Variants in XRCC4 observed in about 807,000 individuals in gnomAD.
The protein encoded by XRCC4 is X-ray repair cross complementing 4.
A neutral mutation model predicts 39.1 loss-of-function variants in XRCC4; 28 were observed. That is an observed-to-expected ratio of 0.72 (90% CI 0.53 to 0.98). XRCC4 has a LOEUF of 0.98. Among genes scored for constraint, XRCC4 ranks in the 50% least tolerant of loss-of-function variants. XRCC4 has a pLI of 0.00. For synonymous variants in XRCC4, 123 were observed against 126.4 expected, an observed-to-expected ratio of 0.97 and a Z score of 0.18; for missense variants, 350 against 376.4, an observed-to-expected ratio of 0.93 and a Z score of 0.58.
At chr5:83,158,097 A>AT (rs1384743087) in intron 3 of XRCC4, among the ~76,000 whole-genome samples, 1 of 152,012 alleles carries the variant, frequency 6.6e-6, no homozygotes, top group Non-Finnish European at 1.5e-5. Context: ...CTTATATGAG[A>AT]TTTTATCTCT....
At chr5:83,183,084 G>A (rs1750271955) in intron 3 of XRCC4, among the ~76,000 whole-genome samples, 1 of 152,022 alleles carries the variant, frequency 6.6e-6, no homozygotes, top group Non-Finnish European at 1.5e-5. Flanking sequence ...TTAATTCATT[G>A]ACTTCTGGTA....
intron 3 of XRCC4, among the ~76,000 whole-genome samples, chr5:83,191,230 G>A (rs1035967711): frequency 2.0e-5 from 3 of 152,154 alleles, no homozygotes; most frequent in Non-Finnish European, 2.9e-5. Context: ...AGACTAGAGA[G>A]GCCAATGTAG....
At chr5:83,093,108 G>C (rs1043715646) in intron 1 of XRCC4, among the ~76,000 whole-genome samples, 1 of 151,922 alleles carries the variant, frequency 6.6e-6, no homozygotes, top group Admixed American at 6.6e-5. Flanking sequence ...TAGACTGAAA[G>C]TGAAGAAATG....
intron 7 of XRCC4, among the ~76,000 whole-genome samples, chr5:83,322,241 C>T (rs1756099825): frequency 1.3e-5 from 2 of 151,836 alleles, no homozygotes; most frequent in Non-Finnish European, 2.9e-5. Flanking sequence ...CTATGTATGC[C>T]ATTAAAAACA....
chr5:83,164,629 T>A (rs996019427), intron 3 of XRCC4, among the ~76,000 whole-genome samples: 1 of 152,148 alleles, frequency 6.6e-6, no homozygotes, highest in Non-Finnish European at 1.5e-5. Flanking sequence ...GTTAGTAGCT[T>A]GATTGTGGTA....
intron 3 of XRCC4, 133 bp from the exon 4 acceptor site, chr5:83,195,637 A>G (rs910908414): frequency 1.2e-5 from 10 of 843,972 alleles, no homozygotes; most frequent in Non-Finnish European, 1.7e-5. Flanking sequence ...CACTGTTTGT[A>G]TATCTTGTAA....
intron 3 of XRCC4, among the ~76,000 whole-genome samples, chr5:83,141,943 C>T (rs1748199599): frequency 6.6e-6 from 1 of 152,066 alleles, no homozygotes; most frequent in South Asian, 2.1e-4. Context: ...TTGTTATTCT[C>T]TCTATATCTT....
At chr5:83,214,992 A>C (rs1394996730) in intron 6 of XRCC4, among the ~76,000 whole-genome samples, 1 of 152,158 alleles carries the variant, frequency 6.6e-6, no homozygotes, top group Non-Finnish European at 1.5e-5. Context: ...GAGAGAAATT[A>C]AAGAAGACTT....
rs79185703 is a variant in XRCC4 at position 83,199,917 on chromosome 5, C to T, written c.483-3635C>T. On this transcript the variant is annotated intron_variant, in intron 4 of 7. Transcript: ENST00000396027. ...TCTTGTTTGATGTTATTTGTGATTT[C>T]GTCCCAATTTGAGATTTGCCTGGAT... Among the ~76,000 whole-genome samples the T allele has an allele frequency of 2.6e-4, 39 of 152,070 alleles. No homozygotes were observed. In the East Asian group the frequency reaches 7.0e-3, roughly 27 times the overall value.
chr5:83,121,624 G>C (rs146344891), intron 3 of XRCC4, among the ~76,000 whole-genome samples: 2 of 152,114 alleles, frequency 1.3e-5, no homozygotes, highest in East Asian at 3.9e-4. Flanking sequence ...ACTGAGTTTT[G>C]AAGAACTCTT....
chr5:83,121,117 A>G lies in XRCC4; in HGVS notation c.315+9914A>G, dbSNP rs1196083198. Among the ~76,000 whole-genome samples, 6 of 152,144 alleles carry G rather than the reference A, an allele frequency of 3.9e-5. No individual in the cohort carries two copies. The East Asian group carries it at 1.2e-3, about 29-fold the overall frequency. On this transcript the variant is annotated intron_variant, in intron 3 of 7. Coordinates refer to ENST00000396027, the MANE Select transcript of XRCC4 (RefSeq NM_003401.5). ...TTCCTCCATGTTGTTGTAAGTTTTAATAATTTATTCTTTTTTTCCTGCTGA... is the reference window on the plus strand; with the variant it reads ...TTCCTCCATGTTGTTGTAAGTTTTAGTAATTTATTCTTTTTTTCCTGCTGA...
chr5:83,356,807 A>G, downstream of XRCC4: 1 of 444,654 alleles, frequency 2.2e-6, no homozygotes, highest in Non-Finnish European at 4.5e-6. Flanking sequence ...TTTTGACCTT[A>G]TCATCCTCAC....
At position 83,183,301 on chromosome 5, in the gene XRCC4, A is replaced by AT. The variant is rs1435454160; in HGVS notation, c.316-12462dup. Among the ~76,000 whole-genome samples the AT allele has an allele frequency of 1.1e-4, 16 of 151,338 alleles. No homozygotes were observed. The South Asian group carries it at 3.3e-3, about 32-fold the overall frequency. On this transcript the variant is annotated intron_variant, in intron 3 of 7. Coordinates refer to ENST00000396027, the MANE Select transcript of XRCC4 (RefSeq NM_003401.5). ...TGTCTACACATTTTTTAATTTATACATTTTTTTCTTTTATGTCTTTTAAAA... is the reference window on the plus strand; with the variant it reads ...TGTCTACACATTTTTTAATTTATACATTTTTTTTCTTTTATGTCTTTTAAAA...
intron 7 of XRCC4, among the ~76,000 whole-genome samples, chr5:83,294,141 T>C (rs1019096813): frequency 6.6e-6 from 1 of 152,056 alleles, no homozygotes; most frequent in East Asian, 1.9e-4. Context: ...AAAATGACCA[T>C]GACTAATTTT....
At chr5:83,287,963 C>CCA (rs893698196) in intron 7 of XRCC4, among the ~76,000 whole-genome samples, 12 of 151,652 alleles carry the variant, frequency 7.9e-5, no homozygotes, top group African/African-American at 2.7e-4. Context: ...TCGTTGCATC[C>CCA]CACACACACA....
In XRCC4 at chr5:83,195,924, A is replaced by C. The variant is rs1201811742; in HGVS notation, c.470A>C (p.Asp157Ala). 4 of 1,609,236 alleles carry C rather than the reference A, an allele frequency of 2.5e-6. No individual in the cohort carries two copies. The South Asian group carries it at 3.3e-5, about 13-fold the overall frequency. ...ENERLLRDWN[D>A]VQGRFEKCVS... ...GAAAGGCTTCTGAGAGATTGGAATG[A>C]TGTTCAAGGACGGTGTGTACACAGT... The change falls in exon 4 of 8, where the codon GAT (aspartate) becomes GCT (alanine). Residue 157 changes from aspartate to alanine, a missense_variant. Transcript: ENST00000396027.
At chr5:83,086,390 G>T (rs1745182559) in intron 1 of XRCC4, among the ~76,000 whole-genome samples, 1 of 152,160 alleles carries the variant, frequency 6.6e-6, no homozygotes, top group Admixed American at 6.5e-5. Context: ...TATGTTTTGT[G>T]TGTTATATGC....
At chr5:83,188,645 C>T (rs1299933143) in intron 3 of XRCC4, among the ~76,000 whole-genome samples, 2 of 152,052 alleles carry the variant, frequency 1.3e-5, no homozygotes, top group African/African-American at 4.8e-5. Context: ...GGAGAACTGG[C>T]ATGTCACATG....
At chr5:83,313,189 C>A (rs1755765780) in intron 7 of XRCC4, among the ~76,000 whole-genome samples, 1 of 151,586 alleles carries the variant, frequency 6.6e-6, no homozygotes, top group Admixed American at 6.6e-5. Flanking sequence ...TTATATTCCA[C>A]CCTGCCTCTG....
Sources: allele counts gnomAD v4.1 joint callset (sites outside exome capture counted in the v4.1 genomes callset), GRCh38; gene constraint gnomAD v4.1.1; transcripts MANE v1.5; gene names NCBI Gene and HGNC (gene_info 2026-07-23, HGNC 2026-07-21).